Variants in STK32A observed in about 807,000 individuals in gnomAD.
STK32A encodes serine/threonine kinase 32A.
A neutral mutation model predicts 53.2 loss-of-function variants in STK32A; 41 were observed. That is an observed-to-expected ratio of 0.77 (90% CI 0.60 to 1.00). STK32A has a LOEUF of 1.00. Among genes scored for constraint, STK32A ranks in the 50% least tolerant of loss-of-function variants. STK32A has a pLI of 0.00. For missense variants in STK32A, 458 were observed against 485.8 expected, an observed-to-expected ratio of 0.94 and a Z score of 0.54; for synonymous variants, 166 against 162.8, an observed-to-expected ratio of 1.02 and a Z score of -0.15.
At chr5:147,301,252 T>C (rs1192012114) in intron 4 of STK32A, among the ~76,000 whole-genome samples, 1 of 152,106 alleles carries the variant, frequency 6.6e-6, no homozygotes, top group African/African-American at 2.4e-5. Context: ...GATCTGATCA[T>C]GGGGAGGTCC....
intron 8 of STK32A, among the ~76,000 whole-genome samples, chr5:147,364,288 G>C (rs1301192111): frequency 6.7e-6 from 1 of 150,118 alleles, no homozygotes; most frequent in Non-Finnish European, 1.5e-5. Context: ...TCTACCTTCT[G>C]CAAAATAGTA....
chr5:147,368,308 C>G (rs1429956206), intron 8 of STK32A, among the ~76,000 whole-genome samples: 6 of 152,210 alleles, frequency 3.9e-5, no homozygotes, highest in African/African-American at 1.4e-4. Context: ...ATCATTTGTT[C>G]CCTTATAACA....
At position 147,324,017 on chromosome 5, in the gene STK32A, T is replaced by C; in HGVS notation, c.380T>C (p.Ile127Thr). ...HFKEETVKLFICELVMALDYL... is the reference protein window; with the variant it reads ...HFKEETVKLFTCELVMALDYL... ...AAGGAAGAAACAGTGAAGCTCTTCATCTGTGAGCTGGTCATGGCCCTGGAC... is the reference window on the plus strand; with the variant it reads ...AAGGAAGAAACAGTGAAGCTCTTCACCTGTGAGCTGGTCATGGCCCTGGAC... The change falls in exon 5 of 13, where the codon ATC becomes ACC. Residue 127 changes from isoleucine to threonine, a missense_variant. Transcript: ENST00000397936. 6.2e-7 allele frequency: 1 copy of C among 1,611,366 alleles called. No individual in the cohort carries two copies. Among genetic ancestry groups the C allele is most frequent in the Non-Finnish European group, 8.5e-7 (1 of 1,178,852 alleles).
At chr5:147,312,925 A>G (rs562408760) in intron 4 of STK32A, among the ~76,000 whole-genome samples, 2 of 152,274 alleles carry the variant, frequency 1.3e-5, no homozygotes, top group African/African-American at 4.8e-5. Flanking sequence ...CCAGAATACA[A>G]GAAGGCAACC....
chr5:147,296,931 C>A (rs186513255), intron 4 of STK32A, among the ~76,000 whole-genome samples: 61 of 152,204 alleles, frequency 4.0e-4, no homozygotes, highest in African/African-American at 1.4e-3. Context: ...ATGAACAGGG[C>A]AAAGAAAGCC....
downstream of STK32A, among the ~76,000 whole-genome samples, chr5:147,388,158 T>C (rs571677312): frequency 2.0e-4 from 31 of 152,296 alleles, no homozygotes; most frequent in Non-Finnish European, 4.0e-4. Context: ...CCTAAGTCCA[T>C]GGGCAGCCTA....
At chr5:147,375,795 C>T (rs1447124766) in intron 11 of STK32A, 1 of 152,212 alleles carries the variant, frequency 6.6e-6, no homozygotes, top group Non-Finnish European at 1.5e-5. Flanking sequence ...GTATATTATT[C>T]TCTGTCAGAG....
intron 4 of STK32A, among the ~76,000 whole-genome samples, chr5:147,280,162 A>G (rs1031299429): frequency 6.6e-6 from 1 of 152,018 alleles, no homozygotes; most frequent in African/African-American, 2.4e-5. Context: ...CAGGGATCCA[A>G]TGGGAGAGGA....
chr5:147,381,721 G>A (rs1757462268), intron 11 of STK32A, among the ~76,000 whole-genome samples: 1 of 151,470 alleles, frequency 6.6e-6, no homozygotes, highest in African/African-American at 2.4e-5. Flanking sequence ...GGGATACACT[G>A]TGCCTTTTTG....
intron 2 of STK32A, among the ~76,000 whole-genome samples, chr5:147,267,052 G>A (rs1015751795): frequency 1.3e-5 from 2 of 150,568 alleles, no homozygotes; most frequent in East Asian, 3.9e-4. Context: ...AAACCAACAG[G>A]CAACATTCTG....
intron 9 of STK32A, among the ~76,000 whole-genome samples, chr5:147,372,511 C>T (rs1477140346): frequency 1.3e-5 from 2 of 151,972 alleles, no homozygotes; most frequent in Non-Finnish European, 2.9e-5. Flanking sequence ...CCACAAATTA[C>T]ACCCTGAGGT....
chr5:147,260,608 C>G (rs1754518886), intron 2 of STK32A, among the ~76,000 whole-genome samples: 1 of 151,318 alleles, frequency 6.6e-6, no homozygotes, highest in African/African-American at 2.5e-5. Context: ...AAGGCTCAAC[C>G]CCTCAAACCA....
intron 2 of STK32A, among the ~76,000 whole-genome samples, chr5:147,250,129 T>C (rs992030221): frequency 1.3e-5 from 2 of 152,098 alleles, no homozygotes; most frequent in Non-Finnish European, 2.9e-5. Flanking sequence ...AGTAGTTATG[T>C]GGATGACTGT....
At position 147,323,903 on chromosome 5, in the gene STK32A, C is replaced by T; in HGVS notation, c.266C>T (p.Ser89Phe). The change falls in exon 5 of 13, where the codon TCC (serine) becomes TTC (phenylalanine). Residue 89 changes from serine (S) to phenylalanine (F), a missense_variant. Coordinates refer to ENST00000397936, the MANE Select transcript of STK32A (RefSeq NM_001112724.2). ...EHPFLVNLWY[S>F]FQDEEDMFMV... ...CTCTTCTAATGTAATTCCAGGTATT[C>T]CTTCCAAGATGAGGAAGACATGTTC... The T allele has an allele frequency of 6.2e-7, 1 of 1,611,868 alleles. No individual in the cohort carries two copies. Among genetic ancestry groups the T allele is most frequent in the Admixed American group, 1.7e-5 (1 of 59,788 alleles).
At position 147,384,268 on chromosome 5, in the gene STK32A, A is replaced by G; in HGVS notation, c.*285A>G. On this transcript the variant is annotated 3_prime_UTR_variant, in exon 13 of 13. Coordinates refer to ENST00000397936, the MANE Select transcript of STK32A (RefSeq NM_001112724.2). ...GAGAGGGTTATACTAGACGAGCCAT[A>G]CCCTGCCTTTTTAGTGCTATAGTTG... 1 of 1,344,420 alleles carries G rather than the reference A, an allele frequency of 7.4e-7. No individual in the cohort carries two copies. Among genetic ancestry groups the G allele is most frequent in the Non-Finnish European group, 9.8e-7 (1 of 1,019,910 alleles). The allele number at this position is 1,344,420 out of a possible 1,614,324, so 83.3% of individuals were successfully genotyped here.
chr5:147,323,853 T>C (rs1317512779), intron 4 of STK32A, 45 bp from the exon 5 acceptor site: 1 of 1,506,866 alleles, frequency 6.6e-7, no homozygotes, highest in Non-Finnish European at 9.1e-7. Flanking sequence ...GACTCTTTAA[T>C]GTGTAAATAT....
the STK32A span, chr5:147,397,909 C>T: frequency 6.5e-6 from 9 of 1,377,706 alleles, no homozygotes; most frequent in Non-Finnish European, 8.7e-6. Flanking sequence ...TACCTTCTCT[C>T]CTTGAGACCT....
At chr5:147,249,003 G>A (rs58255109) in intron 2 of STK32A, among the ~76,000 whole-genome samples, 4,142 of 152,160 alleles carry the variant, frequency 0.027, 174 homozygotes, top group African/African-American at 0.093. Flanking sequence ...GCATCAGAGG[G>A]CTACAGATTA....
At chr5:147,244,498 A>ATG (rs1753704764) in intron 2 of STK32A, among the ~76,000 whole-genome samples, 1 of 152,214 alleles carries the variant, frequency 6.6e-6, no homozygotes, top group Admixed American at 6.5e-5. Context: ...AATGGGACAC[A>ATG]GCCTGGCATG....
Sources: allele counts gnomAD v4.1 joint callset (sites outside exome capture counted in the v4.1 genomes callset), GRCh38; gene constraint gnomAD v4.1.1; transcripts MANE v1.5; gene names NCBI Gene and HGNC (gene_info 2026-07-23, HGNC 2026-07-21).